IFNG-AS1: variants seen among roughly 807,000 people sequenced by gnomAD.
IFNG-AS1 encodes the protein IFNG regulatory antisense RNA 1.
At chr12:68,012,316 A>C (rs77770046) in intron 3 of IFNG-AS1, among the ~76,000 whole-genome samples, 1 of 152,180 alleles carries the variant, frequency 6.6e-6, no homozygotes, top group African/African-American at 2.4e-5. Flanking sequence ...GCTTTGCCCC[A>C]TATGAGGCTC....
chr12:67,993,790 C>T (rs1879571701), intron 1 of IFNG-AS1, among the ~76,000 whole-genome samples: 1 of 152,122 alleles, frequency 6.6e-6, no homozygotes, highest in Admixed American at 6.6e-5. Context: ...TATTCAGTTA[C>T]TTTTCTTTTG....
chr12:67,998,957 GTAAA>G (rs1879705254), intron 2 of IFNG-AS1, among the ~76,000 whole-genome samples: 2 of 152,204 alleles, frequency 1.3e-5, no homozygotes, highest in South Asian at 4.1e-4. Context: ...GTGCAAATAA[GTAAA>G]TAATATTTGG....
intron 1 of IFNG-AS1, among the ~76,000 whole-genome samples, chr12:67,991,651 C>T (rs559940409): frequency 9.7e-4 from 147 of 152,318 alleles, no homozygotes; most frequent in African/African-American, 3.5e-3. Context: ...CATGTTAAAC[C>T]CAGAACTTTT....
At chr12:67,992,664 C>T (rs537508606) in intron 1 of IFNG-AS1, among the ~76,000 whole-genome samples, 3 of 152,236 alleles carry the variant, frequency 2.0e-5, no homozygotes, top group South Asian at 4.1e-4. Flanking sequence ...AGTAAAATCT[C>T]TATTTCTCTT....
intron 3 of IFNG-AS1, among the ~76,000 whole-genome samples, chr12:68,012,982 C>T (rs1290917242): frequency 6.6e-6 from 1 of 152,092 alleles, no homozygotes; most frequent in Non-Finnish European, 1.5e-5. Context: ...TAGCATGAAG[C>T]TGATAAATGA....
chr12:68,020,493 T>C (rs1880261322), intron 4 of IFNG-AS1: 1 of 152,200 alleles, frequency 6.6e-6, no homozygotes, highest in Non-Finnish European at 1.5e-5. Context: ...AAAAGTTCTT[T>C]GTCGCTGGAC....
intron 3 of IFNG-AS1, among the ~76,000 whole-genome samples, chr12:68,008,388 C>A (rs1024298950): frequency 6.7e-6 from 1 of 148,458 alleles, no homozygotes; most frequent in African/African-American, 2.5e-5. Flanking sequence ...TGCACTCCAG[C>A]CTGGGCGACA....
Position 68,002,496 on chromosome 12 carries a change from T to A in IFNG-AS1, n.185-3594T>A, listed in dbSNP as rs147169114. Among the ~76,000 whole-genome samples, 21 of 152,334 alleles carry A rather than the reference T, an allele frequency of 1.4e-4. No individual in the cohort carries two copies. The East Asian group carries it at 4.0e-3, about 29-fold the overall frequency. On this transcript the variant is annotated intron_variant and non_coding_transcript_variant, in intron 2 of 5. Transcript: ENST00000536914. ...CGTAAGCCCCTTACCCTTTTAAAAATCTTTGATAGGGTGCATACATGGAAA... is the reference window on the plus strand; with the variant it reads ...CGTAAGCCCCTTACCCTTTTAAAAAACTTTGATAGGGTGCATACATGGAAA...
chr12:68,016,794 C>A (rs1013025115), intron 3 of IFNG-AS1, among the ~76,000 whole-genome samples: 1 of 152,142 alleles, frequency 6.6e-6, no homozygotes, highest in Non-Finnish European at 1.5e-5. Flanking sequence ...TAAATCCAAT[C>A]GCTTCTTTTC....
chr12:68,000,193 T>C (rs1188882888), intron 2 of IFNG-AS1, among the ~76,000 whole-genome samples: 2 of 152,188 alleles, frequency 1.3e-5, no homozygotes, highest in African/African-American at 4.8e-5. Flanking sequence ...AAAAGGTATA[T>C]GGGAGTTCTG....
chr12:68,007,491 A>G (rs1286361238), intron 3 of IFNG-AS1, among the ~76,000 whole-genome samples: 1 of 152,248 alleles, frequency 6.6e-6, no homozygotes, highest in Non-Finnish European at 1.5e-5. Flanking sequence ...GAAAAAATAA[A>G]TAATGGATGA....
chr12:68,001,806 C>T (rs1308714811), intron 2 of IFNG-AS1, among the ~76,000 whole-genome samples: 2 of 152,036 alleles, frequency 1.3e-5, no homozygotes, highest in Admixed American at 1.3e-4. Flanking sequence ...TAACCTGAAC[C>T]AGAACACAGA....
At chr12:67,995,413 C>T (rs769303271) in intron 1 of IFNG-AS1, among the ~76,000 whole-genome samples, 17 of 103,720 alleles carry the variant, frequency 1.6e-4, no homozygotes, top group Non-Finnish European at 2.9e-4. Context: ...GAGTGAGACT[C>T]CATTTCAAAA....
At chr12:68,013,709 G>C (rs1880083697) in intron 3 of IFNG-AS1, 1 of 152,170 alleles carries the variant, frequency 6.6e-6, no homozygotes, top group Non-Finnish European at 1.5e-5. Flanking sequence ...CATTTCATAG[G>C]TAGGCCTCAT....
At chr12:68,001,046 A>G (rs1241926087) in intron 2 of IFNG-AS1, among the ~76,000 whole-genome samples, 1 of 152,216 alleles carries the variant, frequency 6.6e-6, no homozygotes, top group East Asian at 1.9e-4. Flanking sequence ...ACTACTCAAT[A>G]GTTACCTCAC....
At chr12:67,994,603 G>A (rs1305495974) in intron 1 of IFNG-AS1, among the ~76,000 whole-genome samples, 3 of 152,324 alleles carry the variant, frequency 2.0e-5, no homozygotes, top group Non-Finnish European at 4.4e-5. Context: ...TAGCAATTGT[G>A]TATGAAATGG....
intron 2 of IFNG-AS1, among the ~76,000 whole-genome samples, chr12:68,004,087 G>A (rs1879851898): frequency 6.6e-6 from 1 of 152,084 alleles, no homozygotes; most frequent in Non-Finnish European, 1.5e-5. Flanking sequence ...ACACCTGAGT[G>A]GGCTTGGGTA....
At position 68,002,241 on chromosome 12, in the gene IFNG-AS1, C is replaced by T. The variant is rs141514705; in HGVS notation, n.185-3849C>T. Among the ~76,000 whole-genome samples, 211 of 152,334 alleles carry T rather than the reference C, an allele frequency of 1.4e-3. 1 individual carries two copies. The highest frequency in any genetic ancestry group is 4.5e-3 in the African/African-American group (189 of 41,568). On this transcript the variant is annotated intron_variant and non_coding_transcript_variant, in intron 2 of 5. Coordinates refer to ENST00000536914, the Ensembl canonical transcript of IFNG-AS1. ...AGCCCTCCTCCTAAACCGGCAAATG[C>T]ACATGGTAGGTCATGGGGGGAGTGG...
chr12:68,005,372 G>T (rs74561661), intron 2 of IFNG-AS1, among the ~76,000 whole-genome samples: 4 of 152,074 alleles, frequency 2.6e-5, no homozygotes, highest in African/African-American at 9.7e-5. Context: ...ATGTAGAAAT[G>T]CGCACACACA....
Sources: gnomAD v4.1 joint callset for allele counts (sites outside exome capture counted in the v4.1 genomes callset) on GRCh38, gnomAD v4.1.1 for gene constraint, MANE v1.5 for transcripts, NCBI Gene and HGNC (gene_info 2026-07-23, HGNC 2026-07-21) for gene names.